MLH3: variants seen among roughly 807,000 people sequenced by gnomAD.
MLH3 encodes DNA mismatch repair protein Mlh3.
In MLH3, 82 loss-of-function variants were observed where a neutral mutation model predicts 122.2. The observed-to-expected ratio is 0.67, with a 90% CI of 0.56 to 0.81. The LOEUF (loss-of-function observed/expected upper bound fraction) is 0.81, where lower values mean the gene tolerates loss of function less well. Among genes scored for constraint, MLH3 ranks in the 30% least tolerant of loss-of-function variants. MLH3 has a pLI of 0.00. For synonymous variants in MLH3, 524 were observed against 599.5 expected (o/e 0.87, Z 1.84); for missense variants, 1,539 against 1,714.5 (o/e 0.90, Z 1.81).
chr14:75,024,047 T>G (rs1237837482), intron 9 of MLH3, among the ~76,000 whole-genome samples: 1 of 152,240 alleles, frequency 6.6e-6, no homozygotes, highest in Non-Finnish European at 1.5e-5. Flanking sequence ...AGAGCAAACA[T>G]TCTTGTGTTT....
intron 6 of MLH3, chr14:75,036,888 C>T: frequency 2.5e-6 from 1 of 403,310 alleles, no homozygotes; most frequent in South Asian, 1.8e-5. Context: ...CTAACCATGT[C>T]TCAGATATTG....
At chr14:75,029,920 G>A (rs1287892363) in intron 9 of MLH3, among the ~76,000 whole-genome samples, 10 of 152,042 alleles carry the variant, frequency 6.6e-5, no homozygotes, top group African/African-American at 2.4e-4. Context: ...GCCAATGCAA[G>A]GGGATTGCTT....
At chr14:75,032,304 G>A in intron 7 of MLH3, 125 bp from the exon 8 acceptor site, 1 of 699,182 alleles carries the variant, frequency 1.4e-6, no homozygotes, top group South Asian at 1.5e-5. Flanking sequence ...TTCAGTTTTA[G>A]ATTTTGGATT....
In MLH3 at chr14:75,049,829, T is replaced by C. The variant is rs1464284798; in HGVS notation, c.-63-111A>G. ...AAATCACTCTTATTAAACCAAATTGTGAAACAAAGCAAAACAAAGTTATAC... is the reference window on the plus strand; with the variant it reads ...AAATCACTCTTATTAAACCAAATTGCGAAACAAAGCAAAACAAAGTTATAC... On this transcript the variant is annotated intron_variant, in intron 1 of 12. Coordinates refer to ENST00000355774, the MANE Select transcript of MLH3 (RefSeq NM_001040108.2). 1.2e-4 allele frequency: 87 copies of C among 719,866 alleles called. No individual in the cohort carries two copies. In the East Asian group the frequency reaches 2.3e-3, roughly 19 times the overall value. 44.6% of individuals were successfully genotyped at this position (719,866 alleles called of 1,614,324 possible). A position where few individuals can be genotyped will look rare whatever the true frequency, so the allele number is the denominator to read the frequency against.
At chr14:75,030,848 G>A in intron 8 of MLH3, 146 bp from the exon 9 acceptor site, 1 of 683,352 alleles carries the variant, frequency 1.5e-6, no homozygotes, top group Non-Finnish European at 2.5e-6. Context: ...TTATGTGTGG[G>A]TGTTTGGGAT....
rs184946571 is a variant in MLH3 at position 75,033,359 on chromosome 14, T to C, written c.3715+60A>G. On this transcript the variant is annotated intron_variant, in intron 7 of 12. Transcript: ENST00000355774. Reference sequence around the variant, plus strand: ...AACAGTTGCAGTTAGAAAAGCTCTTTGAGGTGTACTGATTCTGCTGGGAGT... The same window carrying C: ...AACAGTTGCAGTTAGAAAAGCTCTTCGAGGTGTACTGATTCTGCTGGGAGT... 350 of 1,314,726 alleles carry C rather than the reference T, an allele frequency of 2.7e-4. 3 individuals carry two copies. In the Middle Eastern group the frequency reaches 9.9e-3, roughly 37 times the overall value. 81.4% of individuals were successfully genotyped at this position (1,314,726 alleles called of 1,614,324 possible).
rs2139413013 is a variant in MLH3 at position 75,033,464 on chromosome 14, G to A, written c.3670C>T (p.Gln1224Ter). 6.2e-7 allele frequency: 1 copy of A among 1,614,074 alleles called. No homozygotes were observed. Among genetic ancestry groups the A allele is most frequent in the East Asian group, 2.2e-5 (1 of 44,886 alleles). Reference protein sequence around the residue: ...AGGNLLVLVDQHAAHERIRLE... With the variant: ...AGGNLLVLVD ...CGTATACGCTCATGGGCAGCGTGCT[G>A]ATCCACCAGCACGAGCAGGTTCCCA... is the stretch of plus-strand genomic sequence containing the variant. Residue 1224 changes from glutamine to a stop codon, truncating the protein, a stop_gained, in exon 7 of 13, where the codon CAG (glutamine) becomes TAG (stop). Transcript: ENST00000355774. LOFTEE classifies it high-confidence loss of function.
chr14:75,047,222 T>C lies in MLH3; in HGVS notation c.2434A>G (p.Ser812Gly). Residue 812 changes from serine (S) to glycine (G), a missense_variant, in exon 2 of 13, where the codon AGT becomes GGT. Coordinates refer to ENST00000355774, the MANE Select transcript of MLH3 (RefSeq NM_001040108.2). Reference sequence around the variant, plus strand: ...GGTTGACAACTACTATCTGAATCACTATGCTCCATAGTAGTGATTTTACAA... The same window carrying C: ...GGTTGACAACTACTATCTGAATCACCATGCTCCATAGTAGTGATTTTACAA... The part of the protein sequence containing the change: ...DVCKITTMEH[S>G]DSDSSCQPAS... 6.2e-7 allele frequency: 1 copy of C among 1,614,152 alleles called. No individual in the cohort carries two copies. Among genetic ancestry groups the C allele is most frequent in the Non-Finnish European group, 8.5e-7 (1 of 1,180,014 alleles).
In MLH3 at chr14:75,022,503, A is replaced by G. The variant is rs907898149; in HGVS notation, c.4090+311T>C. Among the ~76,000 whole-genome samples the G allele has an allele frequency of 7.2e-5, 11 of 152,236 alleles. No homozygotes were observed. The East Asian group carries it at 2.1e-3, about 29-fold the overall frequency. ...TCTGCACAGGCTGTTTACTCTCCCTATAGTGAATTCCCCTTTCCATGCTAT... is the reference window on the plus strand; with the variant it reads ...TCTGCACAGGCTGTTTACTCTCCCTGTAGTGAATTCCCCTTTCCATGCTAT... On this transcript the variant is annotated intron_variant, in intron 11 of 12. Coordinates refer to ENST00000355774, the MANE Select transcript of MLH3 (RefSeq NM_001040108.2).
chr14:75,026,091 G>A (rs911805133), intron 9 of MLH3, among the ~76,000 whole-genome samples: 2 of 152,020 alleles, frequency 1.3e-5, no homozygotes, highest in East Asian at 1.9e-4. Flanking sequence ...TGCTCTCCCT[G>A]ACTCAAATCT....
At position 75,016,955 on chromosome 14, in the gene MLH3, T is replaced by C; in HGVS notation, c.*127A>G. 1 of 1,042,746 alleles carries C rather than the reference T, an allele frequency of 9.6e-7. No individual in the cohort carries two copies. The highest frequency in any genetic ancestry group is 1.5e-6 in the Non-Finnish European group (1 of 668,410). The allele number at this position is 1,042,746 out of a possible 1,614,324, so 64.6% of individuals were successfully genotyped here. On this transcript the variant is annotated 3_prime_UTR_variant, in exon 13 of 13. Transcript: ENST00000355774. ...GAAAGACTGATACAGAGAGCCCTGC[T>C]GTCTAAGCTGCTCAGGGACACTGGG...
At position 75,049,124 on chromosome 14, in the gene MLH3, G is replaced by A; in HGVS notation, c.532C>T (p.Leu178Phe). The A allele has an allele frequency of 6.2e-7, 1 of 1,614,180 alleles. No homozygotes were observed. Among genetic ancestry groups the A allele is most frequent in the Non-Finnish European group, 8.5e-7 (1 of 1,180,030 alleles). The change falls in exon 2 of 13, where the codon CTC becomes TTC. Residue 178 changes from leucine to phenylalanine, a missense_variant. Leu to Phe is a conservative substitution (Grantham distance 22, BLOSUM62 0). Transcript: ENST00000355774. ...FEKVRQRIEA[L>F]SLMHPSISFS... ...GAAATGGAAGGGTGCATGAGTGAGA[G>A]AGCTTCTATTCTCTGCCTAACCTTC...
At chr14:75,041,375 C>A (rs1290208538) in intron 4 of MLH3, among the ~76,000 whole-genome samples, 1 of 152,114 alleles carries the variant, frequency 6.6e-6, no homozygotes, top group African/African-American at 2.4e-5. Context: ...TATGGAGAAA[C>A]CCCATCTCTA....
At chr14:75,019,901 G>A (rs970689138) in intron 11 of MLH3, among the ~76,000 whole-genome samples, 3 of 152,004 alleles carry the variant, frequency 2.0e-5, no homozygotes, top group African/African-American at 7.3e-5. Context: ...TAATAGGGGA[G>A]ACAAACATGA....
rs751465048 is a variant in MLH3 at position 75,047,900 on chromosome 14, C to CT, written c.1755dup (p.Glu586ArgfsTer3). ...TTTCTTCTTCCACAATTGCTAGATT[C>CT]TTTTTTTTTCTCTTTCTCTGTCTGA... On this transcript the variant is annotated frameshift_variant, in exon 2 of 13. Coordinates refer to ENST00000355774, the MANE Select transcript of MLH3 (RefSeq NM_001040108.2). LOFTEE classifies it high-confidence loss of function. 2.1e-5 allele frequency: 33 copies of CT among 1,608,866 alleles called. No homozygotes were observed. Among genetic ancestry groups the CT allele is most frequent in the Admixed American group, 6.7e-5 (4 of 59,640 alleles).
rs1234674419 is a variant in MLH3, at chr14:75,048,803, G to C, written c.853C>G (p.Pro285Ala). Residue 285 changes from proline to alanine, a missense_variant, in exon 2 of 13, where the codon CCC becomes GCC. Coordinates refer to ENST00000355774, the MANE Select transcript of MLH3 (RefSeq NM_001040108.2). The part of the protein sequence containing the change: ...ESIICKPKNG[P>A]TSRQMNSSLR... ...CTTGAATTCATTTGCCTACTGGTGG[G>C]ACCATTCTTTGGCTTGCATATAATA... 1.9e-6 allele frequency: 3 copies of C among 1,614,144 alleles called. No individual in the cohort carries two copies. Among genetic ancestry groups the C allele is most frequent in the East Asian group, 2.2e-5 (1 of 44,878 alleles).
At chr14:75,043,926 C>A (rs1169204070) in intron 2 of MLH3, among the ~76,000 whole-genome samples, 1 of 152,076 alleles carries the variant, frequency 6.6e-6, no homozygotes, top group Non-Finnish European at 1.5e-5. Flanking sequence ...CCCGTCTCTA[C>A]TAAAAATACA....
chr14:75,034,629 T>C (rs183796381), intron 6 of MLH3, among the ~76,000 whole-genome samples: 282 of 152,146 alleles, frequency 1.9e-3, no homozygotes, highest in Non-Finnish European at 3.2e-3. Flanking sequence ...TTCCCAACCA[T>C]TAAAAAATGT....
At position 75,016,670 on chromosome 14, in the gene MLH3, C is replaced by T. The variant is rs1889904857; in HGVS notation, c.*412G>A. ...CCTGGGGGCAGCCTGGGAAGGCAGA[C>T]TACCCCTTGGACTTGAGCATCAGCT... On this transcript the variant is annotated 3_prime_UTR_variant, in exon 13 of 13. Transcript: ENST00000355774. 1 of 306,606 alleles carries T rather than the reference C, an allele frequency of 3.3e-6. No homozygotes were observed. The highest frequency in any genetic ancestry group is 6.3e-6 in the Non-Finnish European group (1 of 159,620). The allele number at this position is 306,606 out of a possible 1,614,324, so 19.0% of individuals were successfully genotyped here. A position where few individuals can be genotyped will look rare whatever the true frequency, so the allele number is the denominator to read the frequency against.
Sources: gnomAD v4.1 joint callset for allele counts (sites outside exome capture counted in the v4.1 genomes callset) on GRCh38, gnomAD v4.1.1 for gene constraint, MANE v1.5 for transcripts, NCBI Gene and HGNC (gene_info 2026-07-23, HGNC 2026-07-21) for gene names.